HS3ST3A1: variants seen among roughly 807,000 people sequenced by gnomAD.
The protein encoded by HS3ST3A1 is heparan sulfate-glucosamine 3-sulfotransferase 3A1.
In HS3ST3A1, 19 loss-of-function variants were observed where a neutral mutation model predicts 25.7. That is an observed-to-expected ratio of 0.74 (90% CI 0.52 to 1.08). The LOEUF is 1.08. HS3ST3A1 is among the 50% of genes least tolerant of loss of function. HS3ST3A1 has a pLI of 0.00. For synonymous variants in HS3ST3A1, 226 were observed against 278.6 expected, an observed-to-expected ratio of 0.81 and a Z score of 1.88; for missense variants, 459 against 594.3, an observed-to-expected ratio of 0.77 and a Z score of 2.37.
chr17:13,536,071 T>C (rs765104776), intron 1 of HS3ST3A1, among the ~76,000 whole-genome samples: 14 of 152,220 alleles, frequency 9.2e-5, no homozygotes, highest in Non-Finnish European at 1.5e-4. Flanking sequence ...ATAAGTCAAG[T>C]AATATGCTTG....
chr17:13,585,841 T>TG lies in HS3ST3A1; in HGVS notation c.599+14689_599+14690insC, dbSNP rs1555542894. Among the ~76,000 whole-genome samples, 2 of 54,108 alleles carry TG rather than the reference T, an allele frequency of 3.7e-5. 1 individual carries two copies. Among genetic ancestry groups the TG allele is most frequent in the South Asian group, 1.7e-3 (2 of 1,162 alleles). The allele number at this position is 54,108 out of a possible 152,430, so 35.5% of individuals were successfully genotyped here. A position where few individuals can be genotyped will look rare whatever the true frequency, so the allele number is the denominator to read the frequency against. On this transcript the variant is annotated intron_variant, in intron 1 of 1. Coordinates refer to ENST00000284110, the MANE Select transcript of HS3ST3A1 (RefSeq NM_006042.3). The stretch of plus-strand genomic sequence containing the variant: ...GAGACCTGTTATTCCTCCTTCTGCG[T>TG]TTTTTTTTTTTTTTTTTTTTTTTTT...
intron 1 of HS3ST3A1, among the ~76,000 whole-genome samples, chr17:13,567,792 G>A (rs113909080): frequency 0.017 from 2,592 of 152,292 alleles, 77 homozygotes; most frequent in African/African-American, 0.057. Flanking sequence ...ATAATGAGTT[G>A]CTTCTTATGG....
chr17:13,600,841 G>C lies in HS3ST3A1; in HGVS notation c.289C>G (p.Arg97Gly). 2 of 1,423,500 alleles carry C rather than the reference G, an allele frequency of 1.4e-6. No individual in the cohort carries two copies. The highest frequency in any genetic ancestry group is 1.8e-6 in the Non-Finnish European group (2 of 1,100,354). The allele number at this position is 1,423,500 out of a possible 1,614,324, so 88.2% of individuals were successfully genotyped here. A position where few individuals can be genotyped will look rare whatever the true frequency, so the allele number is the denominator to read the frequency against. ...CGGGGCGCGGGCGGCCGGCGCCTCC[G>C]CCACTGCGGCAGTTGCAGGAGGCGC... ...RKRLLQLPQW[R>G]RRRPPAPRDD... Residue 97 changes from arginine (R) to glycine (G), a missense_variant, in exon 1 of 2, where the codon CGG (arginine) becomes GGG (glycine). Coordinates refer to ENST00000284110, the MANE Select transcript of HS3ST3A1 (RefSeq NM_006042.3).
intron 1 of HS3ST3A1, among the ~76,000 whole-genome samples, chr17:13,546,954 T>A (rs1907105920): frequency 6.6e-6 from 1 of 152,224 alleles, no homozygotes; most frequent in Admixed American, 6.5e-5. Context: ...AGTATAAAAC[T>A]TCATATGGTA....
chr17:13,580,866 G>A (rs950523442), intron 1 of HS3ST3A1, among the ~76,000 whole-genome samples: 1 of 152,000 alleles, frequency 6.6e-6, no homozygotes. Flanking sequence ...ACTCCAGCCT[G>A]GGCAACAAGA....
At chr17:13,544,951 C>A (rs182383015) in intron 1 of HS3ST3A1, among the ~76,000 whole-genome samples, 1 of 152,136 alleles carries the variant, frequency 6.6e-6, no homozygotes, top group Admixed American at 6.6e-5. Context: ...TGGGCAATTC[C>A]CCCCAGAACA....
intron 1 of HS3ST3A1, among the ~76,000 whole-genome samples, chr17:13,501,866 C>T (rs910246742): frequency 1.3e-5 from 2 of 152,306 alleles, no homozygotes; most frequent in Middle Eastern, 3.4e-3. Flanking sequence ...CACACCTGAC[C>T]ATTTGTCATT....
chr17:13,579,961 A>G (rs945652163), intron 1 of HS3ST3A1, among the ~76,000 whole-genome samples: 67 of 147,242 alleles, frequency 4.6e-4, no homozygotes, highest in Middle Eastern at 3.4e-3. Flanking sequence ...AAAAAAAAAA[A>G]AAAAAGAAAA....
rs778325635 is a variant in HS3ST3A1, at chr17:13,600,630, G to GC, written c.499dup (p.Ala167GlyfsTer208). On this transcript the variant is annotated frameshift_variant, in exon 1 of 2. Transcript: ENST00000284110. LOFTEE classifies it high-confidence loss of function. ...GTGCACGCGCAGGAACTCCAGCAGC[G>GC]CCCGCGTGCCGCCCTTCTTCACTCC... 2.5e-6 allele frequency: 4 copies of GC among 1,596,062 alleles called. No individual in the cohort carries two copies. Among genetic ancestry groups the GC allele is most frequent in the Admixed American group, 3.4e-5 (2 of 59,106 alleles).
At chr17:13,593,631 G>A (rs1010274712) in intron 1 of HS3ST3A1, among the ~76,000 whole-genome samples, 2 of 152,152 alleles carry the variant, frequency 1.3e-5, no homozygotes, top group African/African-American at 4.8e-5. Flanking sequence ...AAAGAGAATC[G>A]GCACAGACAG....
intron 1 of HS3ST3A1, among the ~76,000 whole-genome samples, chr17:13,581,656 T>C (rs1171330254): frequency 6.6e-6 from 1 of 152,148 alleles, no homozygotes; most frequent in Non-Finnish European, 1.5e-5. Flanking sequence ...GAATAAATAT[T>C]TTTACCATCC....
At chr17:13,585,945 G>A (rs143039849) in intron 1 of HS3ST3A1, among the ~76,000 whole-genome samples, 2,607 of 147,100 alleles carry the variant, frequency 0.018, 33 homozygotes, top group Non-Finnish European at 0.027. Context: ...TGCCTCCCAG[G>A]TTCAAGCAAT....
intron 1 of HS3ST3A1, among the ~76,000 whole-genome samples, chr17:13,512,321 A>AAACAAAAAAAAAC (rs1555537365): frequency 1.4e-5 from 2 of 144,676 alleles, no homozygotes; most frequent in African/African-American, 2.6e-5. Context: ...AAAAAAAAAA[A>AAACAAAAAAAAAC]AAAAAACTGC....
chr17:13,559,801 T>C (rs1215702309), intron 1 of HS3ST3A1, among the ~76,000 whole-genome samples: 4 of 151,998 alleles, frequency 2.6e-5, no homozygotes, highest in Non-Finnish European at 5.9e-5. Flanking sequence ...TGAGGGGCAA[T>C]GTGTAAATAC....
chr17:13,600,471 GT>G, intron 1 of HS3ST3A1, 59 bp downstream of exon 1: 1 of 1,488,986 alleles, frequency 6.7e-7, no homozygotes, highest in Non-Finnish European at 8.9e-7. Flanking sequence ...GCTCCTCCAC[GT>G]CTTTCCCAGC....
intron 1 of HS3ST3A1, among the ~76,000 whole-genome samples, chr17:13,541,479 G>A (rs972396638): frequency 3.9e-5 from 6 of 152,094 alleles, no homozygotes; most frequent in African/African-American, 1.4e-4. Context: ...ATTGGGAATG[G>A]AAGGGCCAGT....
In HS3ST3A1 at chr17:13,494,072, A is replaced by G. The variant is rs1451041030; in HGVS notation, c.*2125T>C. Among the ~76,000 whole-genome samples the G allele has an allele frequency of 6.6e-6, 1 of 152,216 alleles. No homozygotes were observed. Among genetic ancestry groups the G allele is most frequent in the Non-Finnish European group, 1.5e-5 (1 of 68,032 alleles). Reference sequence around the variant, plus strand: ...TCTGTTCTTTTATTTCTTTCACATTAAAAAAATGAAGGTTGCAGAATGCAA... The same window carrying G: ...TCTGTTCTTTTATTTCTTTCACATTGAAAAAATGAAGGTTGCAGAATGCAA... On this transcript the variant is annotated 3_prime_UTR_variant, in exon 2 of 2. Transcript: ENST00000284110.
intron 1 of HS3ST3A1, among the ~76,000 whole-genome samples, chr17:13,509,803 G>A (rs1905803220): frequency 6.6e-6 from 1 of 152,194 alleles, no homozygotes; most frequent in African/African-American, 2.4e-5. Context: ...GGTTTGAGAA[G>A]GGGCTTGTCC....
At chr17:13,509,823 C>G (rs547911190) in intron 1 of HS3ST3A1, among the ~76,000 whole-genome samples, 3 of 152,218 alleles carry the variant, frequency 2.0e-5, no homozygotes, top group Admixed American at 6.5e-5. Context: ...CTAAGTCATT[C>G]AGCCGAAAGA....
Sources: allele counts gnomAD v4.1 joint callset (sites outside exome capture counted in the v4.1 genomes callset), GRCh38; gene constraint gnomAD v4.1.1; transcripts MANE v1.5; gene names NCBI Gene and HGNC (gene_info 2026-07-23, HGNC 2026-07-21).